FAAH2: variants seen among roughly 807,000 people sequenced by gnomAD.
FAAH2 encodes the protein fatty-acid amide hydrolase 2.
Under a neutral mutation model 36.9 loss-of-function variants are expected in FAAH2, and 60 were observed. That is an observed-to-expected ratio of 1.63 (90% CI 1.32 to 2.02). The LOEUF (loss-of-function observed/expected upper bound fraction) is 2.02, where lower values mean the gene tolerates loss of function less well. Ranked by LOEUF, FAAH2 falls within the 30% of genes most tolerant of loss-of-function variation. The probability of loss-of-function intolerance (pLI) is 0.00; values close to 1 mark genes in which losing one functional copy is unlikely to be tolerated. For missense variants in FAAH2, 689 were observed against 397.5 expected (o/e 1.73, Z -6.23); for synonymous variants, 214 against 143.8 (o/e 1.49, Z -3.49).
chrX:57,427,738 T>C (rs113263466), intron 7 of FAAH2, among the ~76,000 whole-genome samples: 1,229 of 111,432 alleles, frequency 0.011, 14 homozygotes, highest in African/African-American at 0.038. Flanking sequence ...AAACTAGGCA[T>C]AGAAGGAACG....
At chrX:57,391,779 T>G (rs900869743) in intron 7 of FAAH2, among the ~76,000 whole-genome samples, 1 of 111,146 alleles carries the variant, frequency 9.0e-6, no homozygotes, top group African/African-American at 3.3e-5. Context: ...TTTCTTTTTA[T>G]GAAAAATTTA....
At chrX:57,308,110 G>T (rs1288619757) in intron 2 of FAAH2, among the ~76,000 whole-genome samples, 1 of 111,341 alleles carries the variant, frequency 9.0e-6, no homozygotes, top group African/African-American at 3.3e-5. Context: ...ACATACAAAT[G>T]CAAGTGTCTT....
At chrX:57,288,519 T>G (rs1052252791) in intron 1 of FAAH2, among the ~76,000 whole-genome samples, 11 of 107,360 alleles carry the variant, frequency 1.0e-4, no homozygotes, top group African/African-American at 3.8e-4. Flanking sequence ...CCGGCTAATA[T>G]TTCGTATTTT....
intron 7 of FAAH2, among the ~76,000 whole-genome samples, chrX:57,400,145 C>G (rs1192440752): frequency 8.9e-6 from 1 of 112,203 alleles, no homozygotes; most frequent in Non-Finnish European, 1.9e-5. Flanking sequence ...AGCACTGGTC[C>G]TTCAAGTAAT....
the FAAH2 span, among the ~76,000 whole-genome samples, chrX:57,201,044 A>G: frequency 7.3e-5 from 7 of 95,678 alleles, no homozygotes; most frequent in East Asian, 1.6e-3. Context: ...ATGCTATGCT[A>G]GGGTAAAAGT....
chrX:57,273,128 A>G, the FAAH2 span, among the ~76,000 whole-genome samples: 2 of 112,160 alleles, frequency 1.8e-5, no homozygotes, highest in Non-Finnish European at 3.8e-5. Flanking sequence ...CTCTGATAAA[A>G]CAGACTTTAA....
the FAAH2 span, among the ~76,000 whole-genome samples, chrX:57,180,968 C>T: frequency 1.4e-4 from 16 of 111,430 alleles, no homozygotes; most frequent in African/African-American, 5.2e-4. Context: ...TTCAAGATTG[C>T]TTCAACATAT....
the FAAH2 span, among the ~76,000 whole-genome samples, chrX:57,187,561 T>A: frequency 9.0e-6 from 1 of 111,234 alleles, no homozygotes; most frequent in African/African-American, 3.3e-5. Context: ...CTTTATTTCT[T>A]TCTCTTGCCT....
intron 10 of FAAH2, among the ~76,000 whole-genome samples, chrX:57,481,892 T>C (rs1279437180): frequency 8.9e-6 from 1 of 111,819 alleles, no homozygotes; most frequent in Non-Finnish European, 1.9e-5. Flanking sequence ...CCCAGGGAGA[T>C]GGTAGTTTTG....
At chrX:57,236,292 C>T in the FAAH2 span, among the ~76,000 whole-genome samples, 5 of 112,174 alleles carry the variant, frequency 4.5e-5, no homozygotes, top group African/African-American at 9.7e-5. Flanking sequence ...GTGAATGATG[C>T]TTTATAAACA....
chrX:57,271,951 T>A, the FAAH2 span, among the ~76,000 whole-genome samples: 1 of 108,975 alleles, frequency 9.2e-6, no homozygotes, highest in East Asian at 2.9e-4. Flanking sequence ...AATAACAAAC[T>A]CCCCTGAGCT....
chrX:57,221,113 C>T, the FAAH2 span, among the ~76,000 whole-genome samples: 1 of 109,430 alleles, frequency 9.1e-6, no homozygotes, highest in African/African-American at 3.4e-5. Context: ...ACCTCGAGTC[C>T]CCCCTCCACT....
At chrX:57,268,057 G>C in the FAAH2 span, among the ~76,000 whole-genome samples, 1 of 112,164 alleles carries the variant, frequency 8.9e-6, no homozygotes, top group Admixed American at 9.4e-5. Flanking sequence ...AGTTCACTGA[G>C]CTATAGGAGT....
intron 10 of FAAH2, among the ~76,000 whole-genome samples, chrX:57,463,736 TA>T (rs757104975): frequency 2.2e-3 from 241 of 111,664 alleles, no homozygotes; most frequent in African/African-American, 7.2e-3. Flanking sequence ...TGGTGATCAT[TA>T]AAAAGTCTGG....
intron 7 of FAAH2, among the ~76,000 whole-genome samples, chrX:57,405,295 G>A (rs1364987081): frequency 1.8e-5 from 2 of 111,117 alleles, no homozygotes; most frequent in Non-Finnish European, 3.8e-5. Flanking sequence ...TGGGGTTCTT[G>A]GCCTCACAGA....
At chrX:57,213,963 T>C in the FAAH2 span, among the ~76,000 whole-genome samples, 4 of 112,053 alleles carry the variant, frequency 3.6e-5, no homozygotes, top group Non-Finnish European at 7.5e-5. Flanking sequence ...TATTTTTAGA[T>C]ATGGTAATAT....
At chrX:57,216,550 G>GTA in the FAAH2 span, among the ~76,000 whole-genome samples, 17 of 15,098 alleles carry the variant, frequency 1.1e-3, no homozygotes, top group African/African-American at 3.3e-3. Context: ...ATACGTATAT[G>GTA]TATATATATA....
chrX:57,349,353 A>G (rs1408085627), intron 5 of FAAH2, among the ~76,000 whole-genome samples: 1 of 97,957 alleles, frequency 1.0e-5, no homozygotes, highest in African/African-American at 3.6e-5. Flanking sequence ...TTATACACAT[A>G]TATATTTTAA....
intron 7 of FAAH2, among the ~76,000 whole-genome samples, chrX:57,407,174 C>A (rs181165958): frequency 8.9e-6 from 1 of 111,923 alleles, no homozygotes; most frequent in Admixed American, 9.4e-5. Flanking sequence ...TCTTATTTGT[C>A]GAAGTCAGAG....
Sources: allele counts gnomAD v4.1 joint callset (sites outside exome capture counted in the v4.1 genomes callset), GRCh38; gene constraint gnomAD v4.1.1; transcripts MANE v1.5; gene names NCBI Gene and HGNC (gene_info 2026-07-23, HGNC 2026-07-21).